The following MKNK1 variants were observed in gnomAD, a reference collection of about 807,000 sequenced individuals.
MKNK1 encodes the protein MAP kinase-interacting serine/threonine-protein kinase 1.
MKNK1 carries 30 observed loss-of-function variants against 49.3 expected under a neutral mutation model. That is an observed-to-expected ratio of 0.61 (90% CI 0.46 to 0.83). The LOEUF (loss-of-function observed/expected upper bound fraction) is 0.83, where lower values mean the gene tolerates loss of function less well. Ranked by LOEUF, MKNK1 falls within the 40% of genes least tolerant of loss-of-function variation. The pLI, the probability that MKNK1 is intolerant of heterozygous loss-of-function variation, is 0.00. For missense variants in MKNK1, 423 were observed against 524.7 expected, an observed-to-expected ratio of 0.81 and a Z score of 1.89; for synonymous variants, 176 against 201.7, an observed-to-expected ratio of 0.87 and a Z score of 1.08.
chr1:46,575,562 C>T (rs1670833467), intron 5 of MKNK1: 1 of 152,632 alleles, frequency 6.6e-6, no homozygotes, highest in Admixed American at 6.5e-5. Context: ...GCGTTCCTGG[C>T]CACTGTAGCA....
intron 10 of MKNK1, among the ~76,000 whole-genome samples, 157 bp downstream of exon 10, chr1:46,562,492 C>T (rs1251604664): frequency 6.6e-6 from 1 of 150,716 alleles, no homozygotes; most frequent in Non-Finnish European, 1.5e-5. Flanking sequence ...CTGATTATCT[C>T]TATTTTACCT....
intron 11 of MKNK1, among the ~76,000 whole-genome samples, chr1:46,560,632 G>A (rs2148539259): frequency 6.6e-6 from 1 of 152,314 alleles, no homozygotes; most frequent in East Asian, 1.9e-4. Flanking sequence ...GTGGGGTCTT[G>A]CTCCCTTTGT....
chr1:46,584,863 A>G, intron 2 of MKNK1: 1 of 152,222 alleles, frequency 6.6e-6, no homozygotes, highest in East Asian at 1.9e-4. Flanking sequence ...CACACAGATA[A>G]AAGAAATCCA....
At position 46,597,132 on chromosome 1, in the gene MKNK1, A is replaced by G. The variant is rs144979527; in HGVS notation, c.-170-2852T>C. On this transcript the variant is annotated intron_variant, in intron 1 of 12. Transcript: ENST00000371945. ...AGGGCTGGGGTGGGGAAGGGTGACC[A>G]TGGCCAGACCAAACCTACACAGATC... 6.6e-4 allele frequency among the ~76,000 whole-genome samples: 101 copies of G among 152,204 alleles called. No individual in the cohort carries two copies. The Middle Eastern group carries it at 0.017, about 26-fold the overall frequency.
At chr1:46,576,331 T>C (rs1670950312) in intron 5 of MKNK1, 4 of 444,422 alleles carry the variant, frequency 9.0e-6, no homozygotes, top group Non-Finnish European at 1.6e-5. Context: ...ATTCAGATAG[T>C]TCATTCTTCT....
intron 11 of MKNK1, 78 bp from the exon 12 acceptor site, chr1:46,560,355 G>T: frequency 2.0e-6 from 3 of 1,484,374 alleles, no homozygotes; most frequent in Non-Finnish European, 2.8e-6. Flanking sequence ...GCCAGCAGTG[G>T]GTAGGTTACT....
chr1:46,573,594 C>T (rs772077058), intron 6 of MKNK1: 1 of 152,178 alleles, frequency 6.6e-6, no homozygotes, highest in Non-Finnish European at 1.5e-5. Flanking sequence ...GTTCGCTTGC[C>T]AGATTAAACA....
chr1:46,562,395 C>CAAAAAAAA (rs66491559), intron 10 of MKNK1, among the ~76,000 whole-genome samples: 1 of 34,326 alleles, frequency 2.9e-5, no homozygotes, highest in East Asian at 9.0e-4. Flanking sequence ...GACTCCATCT[C>CAAAAAAAA]AAAAAAAAAA....
intron 2 of MKNK1, among the ~76,000 whole-genome samples, chr1:46,585,203 TCA>T (rs1672342849): frequency 8.0e-6 from 1 of 125,324 alleles, no homozygotes; most frequent in African/African-American, 3.2e-5. Flanking sequence ...TGAGCCGAGA[TCA>T]CGCCATTGCA....
chr1:46,563,769 G>A (rs1356478935), intron 9 of MKNK1, among the ~76,000 whole-genome samples: 1 of 152,208 alleles, frequency 6.6e-6, no homozygotes, highest in African/African-American at 2.4e-5. Context: ...TTAGGGGCCA[G>A]GCGTGGTGGC....
At position 46,587,620 on chromosome 1, in the gene MKNK1, C is replaced by T. The variant is rs146869020; in HGVS notation, c.-2-4291G>A. 2.7e-3 allele frequency among the ~76,000 whole-genome samples: 413 copies of T among 152,172 alleles called. 3 individuals carry two copies. Among genetic ancestry groups the T allele is most frequent in the African/African-American group, 9.7e-3 (401 of 41,498 alleles). ...ATCACCTGAGGTTGGGAGTTTGAGA[C>T]CAGCCTGACCAACATGGAGAAACCT... On this transcript the variant is annotated intron_variant, in intron 2 of 12. Coordinates refer to ENST00000371945, the MANE Select transcript of MKNK1 (RefSeq NM_001135553.4).
rs1339430313 is a variant in MKNK1 at position 46,594,282 on chromosome 1, T to C, written c.-170-2A>G. The C allele has an allele frequency of 6.8e-6, 5 of 731,238 alleles. No homozygotes were observed. The highest frequency in any genetic ancestry group is 1.2e-5 in the Non-Finnish European group (5 of 403,418). 45.3% of individuals were successfully genotyped at this position (731,238 alleles called of 1,614,324 possible). A position where few individuals can be genotyped will look rare whatever the true frequency, so the allele number is the denominator to read the frequency against. On this transcript the variant is annotated splice_acceptor_variant, in intron 1 of 12. Transcript: ENST00000371945. LOFTEE classifies it low-confidence loss of function (5UTR_SPLICE). ...TCCATCGGCCTCTGACATGGAAACCTTGAAAAAGCAGAAATAGAAAGGAAA... is the reference window on the plus strand; with the variant it reads ...TCCATCGGCCTCTGACATGGAAACCCTGAAAAAGCAGAAATAGAAAGGAAA...
chr1:46,567,186 T>C (rs1037818441), intron 8 of MKNK1, among the ~76,000 whole-genome samples: 1 of 152,186 alleles, frequency 6.6e-6, no homozygotes, highest in Non-Finnish European at 1.5e-5. Flanking sequence ...CAAGGGATCC[T>C]CCTGCCTCAG....
rs542701856 is a variant in MKNK1, at chr1:46,587,090, G to A, written c.-2-3761C>T. On this transcript the variant is annotated intron_variant, in intron 2 of 12. Transcript: ENST00000371945. ...CTCCCAAAGTGCTGGGATTACAGAC[G>A]TGAACCACTGCGCCCAGCCAGGTCC... Among the ~76,000 whole-genome samples the A allele has an allele frequency of 2.0e-5, 3 of 152,350 alleles. No homozygotes were observed. In the Middle Eastern group the frequency reaches 0.01, roughly 518 times the overall value.
At chr1:46,572,276 C>G (rs573239206) in intron 6 of MKNK1, 109 bp from the exon 7 acceptor site, 2 of 849,898 alleles carry the variant, frequency 2.4e-6, no homozygotes, top group South Asian at 3.2e-5. Flanking sequence ...AGTAGTGGCA[C>G]GATCTCGGCT....
intron 1 of MKNK1, among the ~76,000 whole-genome samples, chr1:46,598,338 A>G (rs1392987162): frequency 1.3e-5 from 2 of 152,148 alleles, no homozygotes; most frequent in Admixed American, 6.6e-5. Context: ...AAGATTTTCT[A>G]ACGAGCCACT....
chr1:46,596,210 G>C (rs2148766124), intron 1 of MKNK1, among the ~76,000 whole-genome samples: 1 of 152,272 alleles, frequency 6.6e-6, no homozygotes, highest in East Asian at 1.9e-4. Context: ...ACTCAATTTT[G>C]CATTTGTAGA....
chr1:46,598,042 G>A (rs1674299843), intron 1 of MKNK1, among the ~76,000 whole-genome samples: 1 of 152,212 alleles, frequency 6.6e-6, no homozygotes, highest in Non-Finnish European at 1.5e-5. Context: ...AGGTTCTCAT[G>A]AGAAAATCTT....
chr1:46,585,365 A>G (rs1672405498), intron 2 of MKNK1: 1 of 154,426 alleles, frequency 6.5e-6, no homozygotes, highest in Admixed American at 6.4e-5. Context: ...GCCCAAATGT[A>G]TAACATGGTG....
Sources: gnomAD v4.1 joint callset for allele counts (sites outside exome capture counted in the v4.1 genomes callset) on GRCh38, gnomAD v4.1.1 for gene constraint, MANE v1.5 for transcripts, NCBI Gene and HGNC (gene_info 2026-07-23, HGNC 2026-07-21) for gene names.